Variants in PDGFA observed in about 807,000 individuals in gnomAD.
PDGFA encodes the protein platelet derived growth factor subunit A.
Under a neutral mutation model 25.6 loss-of-function variants are expected in PDGFA, and 9 were observed. That is an observed-to-expected ratio of 0.35 (90% CI 0.21 to 0.61). The LOEUF (loss-of-function observed/expected upper bound fraction) is 0.61, where lower values mean the gene tolerates loss of function less well. PDGFA is among the 20% of genes least tolerant of loss of function. The probability of loss-of-function intolerance (pLI) is 0.75; values close to 1 mark genes in which losing one functional copy is unlikely to be tolerated. For synonymous variants in PDGFA, 133 were observed against 111.8 expected, an observed-to-expected ratio of 1.19 and a Z score of -1.20; for missense variants, 242 against 272.8, an observed-to-expected ratio of 0.89 and a Z score of 0.79.
chr7:498,391 G>A, exon 6 of PDGFA: 1 of 620,750 alleles, frequency 1.6e-6, no homozygotes, highest in Non-Finnish European at 2.9e-6. Context: ...TTGCTTTGAT[G>A]TCACATTAAA....
At chr7:498,367 G>T in exon 6 of PDGFA, 6 of 521,272 alleles carry the variant, frequency 1.2e-5, no homozygotes, top group South Asian at 3.3e-5. Context: ...CTGCTTCACC[G>T]AGTGCTACAA....
At chr7:507,083 G>T (rs1331500431) in intron 4 of PDGFA, among the ~76,000 whole-genome samples, 1 of 152,212 alleles carries the variant, frequency 6.6e-6, no homozygotes, top group African/African-American at 2.4e-5. Flanking sequence ...GCCTCCATCC[G>T]CAGCGGCAGG....
intron 4 of PDGFA, among the ~76,000 whole-genome samples, chr7:503,314 G>A (rs1272525377): frequency 6.6e-6 from 1 of 152,108 alleles, no homozygotes; most frequent in Non-Finnish European, 1.5e-5. Context: ...CGCATGCAGG[G>A]TCTAAATGCA....
intron 4 of PDGFA, among the ~76,000 whole-genome samples, chr7:501,574 C>A (rs1782341282): frequency 6.6e-6 from 1 of 152,056 alleles, no homozygotes; most frequent in African/African-American, 2.4e-5. Flanking sequence ...GCCACCATGC[C>A]CAGCTAATTT....
intron 4 of PDGFA, among the ~76,000 whole-genome samples, chr7:508,559 CAAAAAAAAAAAAAA>C (rs766165770): frequency 3.4e-4 from 12 of 35,664 alleles, no homozygotes; most frequent in Admixed American, 1.5e-3. Context: ...GAAGCTGTCC[CAAAAAAAAAAAAAA>C]AAAAAAAAAA....
At chr7:502,807 CACAT>C (rs201945019) in intron 4 of PDGFA, among the ~76,000 whole-genome samples, 5,739 of 142,282 alleles carry the variant, frequency 0.04, 225 homozygotes, top group African/African-American at 0.096. Flanking sequence ...CACACACACA[CACAT>C]AATGCACATA....
intron 4 of PDGFA, among the ~76,000 whole-genome samples, chr7:503,944 C>G (rs1782457253): frequency 2.0e-5 from 3 of 152,166 alleles, no homozygotes; most frequent in African/African-American, 7.2e-5. Context: ...ACTCGGGAGG[C>G]CTCAGATCAG....
chr7:510,926 G>A (rs1307718390), exon 4 of PDGFA: 1 of 1,612,610 alleles, frequency 6.2e-7, no homozygotes, highest in South Asian at 1.1e-5. Context: ...TGGCGGACGT[G>A]GGGTCGACCT....
rs1782365152 is a variant in PDGFA at position 502,076 on chromosome 7, T to G, written c.454-834A>C. Among the ~76,000 whole-genome samples, 2 of 151,920 alleles carry G rather than the reference T, an allele frequency of 1.3e-5. 1 individual carries two copies. The highest frequency in any genetic ancestry group is 4.2e-4 in the South Asian group (2 of 4,804). On this transcript the variant is annotated intron_variant, in intron 4 of 5. Coordinates refer to ENST00000402802, the Ensembl canonical transcript of PDGFA. ...CCTGCCTCTAAAAACAATTTAAAAA[T>G]TAGCAAGCCATGGTGGCACCTGTAG...
chr7:500,723 G>C lies in PDGFA; in HGVS notation c.580+393C>G. On this transcript the variant is annotated intron_variant, in intron 5 of 5. Transcript: ENST00000402802. This position sits in a 1 kb window ranked among gnomAD's most constrained non-coding sequence, Gnocchi z 5.0. The stretch of plus-strand genomic sequence containing the variant: ...GGAGTCCGCGTGGCGGGGTGAAGGA[G>C]AGACCCCAGCCAGCCAGGGCAACTG... The C allele has an allele frequency of 6.9e-7, 1 of 1,439,844 alleles. No individual in the cohort carries two copies. The highest frequency in any genetic ancestry group is 9.1e-7 in the Non-Finnish European group (1 of 1,102,008). The allele number at this position is 1,439,844 out of a possible 1,614,324, so 89.2% of individuals were successfully genotyped here. A position where few individuals can be genotyped will look rare whatever the true frequency, so the allele number is the denominator to read the frequency against.
intron 4 of PDGFA, among the ~76,000 whole-genome samples, chr7:510,148 G>C (rs759794626): frequency 6.6e-6 from 1 of 152,162 alleles, no homozygotes; most frequent in African/African-American, 2.4e-5. Flanking sequence ...TCGACACCTC[G>C]CAAGGCCCAA....
In PDGFA at chr7:517,039, C is replaced by CAGGGCTCTGCGCCCAGGGT. The variant is rs1783135862; in HGVS notation, c.160+336_160+354dup. The stretch of plus-strand genomic sequence containing the variant: ...CGGGCTGCCCGCCCGGCGCACGGGC[C>CAGGGCTCTGCGCCCAGGGT]AGGGCTCTGCGCCCAGGGTCTGGGC... On this transcript the variant is annotated intron_variant, in intron 2 of 5. Coordinates refer to ENST00000402802, the Ensembl canonical transcript of PDGFA. The surrounding 1 kb of genome is among the most constrained non-coding windows in gnomAD (Gnocchi z 7.4). Among the ~76,000 whole-genome samples the CAGGGCTCTGCGCCCAGGGT allele has an allele frequency of 6.6e-6, 1 of 151,070 alleles. No homozygotes were observed. The highest frequency in any genetic ancestry group is 2.1e-4 in the South Asian group (1 of 4,812).
intron 4 of PDGFA, 119 bp downstream of exon 4, chr7:510,690 G>T (rs1226908495): frequency 2.3e-6 from 1 of 427,450 alleles, no homozygotes; most frequent in African/African-American, 3.4e-5. Flanking sequence ...TGGTAGGGGC[G>T]GCCCCGGGCT....
At chr7:508,590 T>TAAAAAAAAAAAAC (rs1275774675) in intron 4 of PDGFA, among the ~76,000 whole-genome samples, 1 of 130,974 alleles carries the variant, frequency 7.6e-6, no homozygotes, top group Admixed American at 8.4e-5. Flanking sequence ...AAAAAAAAAT[T>TAAAAAAAAAAAAC]CTCAGCTGAG....
In PDGFA at chr7:515,997, C is replaced by T. The variant is rs1230179817; in HGVS notation, c.160+1397G>A. ...CTCCACAAGCCTCCCCTTCTGCTAG[C>T]ACCCCCCCCCAGAAAAAGCCCTGAA... On this transcript the variant is annotated intron_variant, in intron 2 of 5. Transcript: ENST00000402802. Among the ~76,000 whole-genome samples, 6 of 96,288 alleles carry T rather than the reference C, an allele frequency of 6.2e-5. No homozygotes were observed. The Admixed American group carries it at 6.7e-4, about 11-fold the overall frequency. 63.2% of individuals were successfully genotyped at this position (96,288 alleles called of 152,430 possible). A position where few individuals can be genotyped will look rare whatever the true frequency, so the allele number is the denominator to read the frequency against.
intron 4 of PDGFA, among the ~76,000 whole-genome samples, chr7:509,033 C>T (rs547679879): frequency 1.3e-3 from 201 of 152,316 alleles, no homozygotes; most frequent in Middle Eastern, 0.01. Context: ...CCACCCAGGG[C>T]GCTGCATCCT....
At position 504,096 on chromosome 7, in the gene PDGFA, T is replaced by G. The variant is rs1337298342; in HGVS notation, c.454-2854A>C. On this transcript the variant is annotated intron_variant, in intron 4 of 5. Coordinates refer to ENST00000402802, the Ensembl canonical transcript of PDGFA. ...ACCCACCCAGGAGTTGAGGAATAAA[T>G]GAGGCTGCACATGCAGAAGGCCCCA... Among the ~76,000 whole-genome samples the G allele has an allele frequency of 1.9e-4, 29 of 152,090 alleles. 1 individual carries two copies. The highest frequency in any genetic ancestry group is 1.9e-3 in the Admixed American group (29 of 15,270).
chr7:503,870 T>A (rs1003229891), intron 4 of PDGFA, among the ~76,000 whole-genome samples: 1 of 152,116 alleles, frequency 6.6e-6, no homozygotes, highest in Non-Finnish European at 1.5e-5. Flanking sequence ...GAGGTTTCGC[T>A]ACGTCACAAA....
chr7:501,670 G>T (rs1236829389), intron 4 of PDGFA, among the ~76,000 whole-genome samples: 4 of 152,086 alleles, frequency 2.6e-5, no homozygotes, highest in Admixed American at 2.0e-4. Context: ...TGATCCTCCT[G>T]CCTCAGCCTC....
Sources: allele counts gnomAD v4.1 joint callset (sites outside exome capture counted in the v4.1 genomes callset), GRCh38; gene constraint gnomAD v4.1.1; non-coding constraint Gnocchi (gnomAD v3.1); transcripts MANE v1.5; gene names NCBI Gene and HGNC (gene_info 2026-07-23, HGNC 2026-07-21).